The following ULK4 variants were observed in gnomAD, a reference collection of about 807,000 sequenced individuals.
ULK4 encodes the protein inactive serine/threonine-protein kinase ULK4.
Under a neutral mutation model 160.6 loss-of-function variants are expected in ULK4, and 133 were observed. The observed-to-expected ratio is 0.83, with a 90% confidence interval of 0.72 to 0.96. The LOEUF (loss-of-function observed/expected upper bound fraction) is 0.96. ULK4 is among the 40% of genes least tolerant of loss of function. ULK4 has a pLI of 0.00. For missense variants in ULK4, 1,580 were observed against 1,499.5 expected, an observed-to-expected ratio of 1.05 and a Z score of -0.89; for synonymous variants, 534 against 539.8, an observed-to-expected ratio of 0.99 and a Z score of 0.15.
chr3:41,425,424 G>A (rs200735003), intron 34 of ULK4, among the ~76,000 whole-genome samples: 80 of 152,150 alleles, frequency 5.3e-4, no homozygotes, highest in Middle Eastern at 3.4e-3. Context: ...ACAGGCCAAC[G>A]TTCAAATTCA....
chr3:41,693,766 T>C (rs2036392920), intron 27 of ULK4, among the ~76,000 whole-genome samples: 1 of 152,254 alleles, frequency 6.6e-6, no homozygotes, highest in Non-Finnish European at 1.5e-5. Flanking sequence ...TCTTTTTCTA[T>C]AGTTTTAACT....
intron 34 of ULK4, among the ~76,000 whole-genome samples, chr3:41,401,096 C>T (rs551262962): frequency 6.6e-6 from 1 of 151,440 alleles, no homozygotes; most frequent in East Asian, 1.9e-4. Context: ...GCCTTTTCAT[C>T]CATTTTACTG....
rs552298490 is a variant in ULK4, at chr3:41,739,129, G to A, written c.2321+15232C>T. On this transcript the variant is annotated intron_variant, in intron 22 of 36. Transcript: ENST00000301831. The stretch of plus-strand genomic sequence containing the variant: ...TATGAGTTACTTATCGTTAATCTGG[G>A]TCACCAAGCCACTACGTTAAGTATG... Among the ~76,000 whole-genome samples, 4 of 151,970 alleles carry A rather than the reference G, an allele frequency of 2.6e-5. No homozygotes were observed. In the East Asian group the frequency reaches 5.8e-4, roughly 22 times the overall value.
At chr3:41,641,986 G>C (rs748166007) in intron 30 of ULK4, among the ~76,000 whole-genome samples, 2 of 149,892 alleles carry the variant, frequency 1.3e-5, no homozygotes, top group Non-Finnish European at 3.0e-5. Flanking sequence ...AGTGGTTCTC[G>C]TGCCTCAGCC....
chr3:41,331,571 A>G (rs1217664981), intron 35 of ULK4, among the ~76,000 whole-genome samples: 1 of 152,220 alleles, frequency 6.6e-6, no homozygotes, highest in Non-Finnish European at 1.5e-5. Flanking sequence ...AACATCATTT[A>G]GGATTCCTCG....
In ULK4 at chr3:41,528,575, G is replaced by T. The variant is rs558788661; in HGVS notation, c.3226+37450C>A. Among the ~76,000 whole-genome samples the T allele has an allele frequency of 2.0e-5, 3 of 152,086 alleles. No individual in the cohort carries two copies. The South Asian group carries it at 6.2e-4, about 32-fold the overall frequency. On this transcript the variant is annotated intron_variant, in intron 32 of 36. Coordinates refer to ENST00000301831, the MANE Select transcript of ULK4 (RefSeq NM_017886.4). ...GAAACCAAGTAAATGAAAAGTACTG[G>T]CTTTTCCACTGATTCATTAAGCACA...
At chr3:41,849,127 C>A (rs976037852) in intron 17 of ULK4, among the ~76,000 whole-genome samples, 1 of 152,190 alleles carries the variant, frequency 6.6e-6, no homozygotes, top group Non-Finnish European at 1.5e-5. Context: ...CCTGCAGCAA[C>A]CCTCTGAGAT....
chr3:41,911,523 T>C lies in ULK4; in HGVS notation c.1015+18A>G, dbSNP rs775251662. ...AACAACATTCTAAGTAGCATGAATGTGCTCAAATAAAACTTACCTAGTCTG... is the reference window on the plus strand; with the variant it reads ...AACAACATTCTAAGTAGCATGAATGCGCTCAAATAAAACTTACCTAGTCTG... On this transcript the variant is annotated intron_variant, in intron 10 of 36. Transcript: ENST00000301831. 6 of 1,603,950 alleles carry C rather than the reference T, an allele frequency of 3.7e-6. No homozygotes were observed. The African/African-American group carries it at 8.0e-5, about 21-fold the overall frequency.
At chr3:41,807,482 A>C (rs2040684533) in intron 19 of ULK4, among the ~76,000 whole-genome samples, 1 of 152,214 alleles carries the variant, frequency 6.6e-6, no homozygotes, top group Non-Finnish European at 1.5e-5. Flanking sequence ...TCTAAGTTCA[A>C]GCCATAGTTT....
At chr3:41,891,827 C>A (rs1325621476) in intron 16 of ULK4, among the ~76,000 whole-genome samples, 1 of 152,144 alleles carries the variant, frequency 6.6e-6, no homozygotes, top group East Asian at 1.9e-4. Context: ...ATCACTTGAA[C>A]CCGGGAGGCA....
rs1187360103 is a variant in ULK4 at position 41,912,799 on chromosome 3, T to C, written c.896+8A>G. 12 of 1,613,602 alleles carry C rather than the reference T, an allele frequency of 7.4e-6. No homozygotes were observed. Among genetic ancestry groups the C allele is most frequent in the African/African-American group, 1.3e-5 (1 of 75,064 alleles). ...TATGTCCCATACACAAAGGTAAGTG[T>C]ATACTACCTGAGACTGAGATCTTCG... On this transcript the variant is annotated splice_region_variant and intron_variant, in intron 9 of 36. Transcript: ENST00000301831.
At chr3:41,656,092 G>C (rs1299300590) in intron 30 of ULK4, among the ~76,000 whole-genome samples, 2 of 152,100 alleles carry the variant, frequency 1.3e-5, no homozygotes, top group African/African-American at 4.8e-5. Flanking sequence ...TTTGTAGGGT[G>C]CTGGAGCTGT....
rs557597279 is a variant in ULK4 at position 41,295,694 on chromosome 3, T to G, written c.3679-46120A>C. 2.6e-5 allele frequency among the ~76,000 whole-genome samples: 2 copies of G among 75,990 alleles called. 1 individual carries two copies. Among genetic ancestry groups the G allele is most frequent in the Non-Finnish European group, 6.7e-5 (2 of 29,818 alleles). The allele number at this position is 75,990 out of a possible 152,430, so 49.9% of individuals were successfully genotyped here. On this transcript the variant is annotated intron_variant, in intron 35 of 36. Transcript: ENST00000301831. ...CATATGAAAAGATGCTCCACATCGT[T>G]TGACATCAAGAAATGTAAATTAAAA...
intron 19 of ULK4, among the ~76,000 whole-genome samples, chr3:41,814,721 T>C (rs1252772249): frequency 6.6e-6 from 1 of 152,158 alleles, no homozygotes; most frequent in Admixed American, 6.5e-5. Context: ...TTCATCATCA[T>C]ATTGTGACCT....
chr3:41,430,900 G>C (rs1158080213), intron 34 of ULK4, among the ~76,000 whole-genome samples: 1 of 152,084 alleles, frequency 6.6e-6, no homozygotes, highest in Non-Finnish European at 1.5e-5. Context: ...CAAGCAATGA[G>C]GTTTGGGGGT....
intron 17 of ULK4, among the ~76,000 whole-genome samples, chr3:41,840,118 A>G (rs1194138830): frequency 1.3e-5 from 2 of 152,210 alleles, no homozygotes; most frequent in African/African-American, 2.4e-5. Context: ...AGAACAGCCA[A>G]AACAATTTTG....
At chr3:41,624,251 A>G (rs2033384127) in intron 30 of ULK4, among the ~76,000 whole-genome samples, 1 of 152,186 alleles carries the variant, frequency 6.6e-6, no homozygotes, top group Non-Finnish European at 1.5e-5. Flanking sequence ...TTTATGATTT[A>G]TACTATTATT....
chr3:41,954,730 G>T lies in ULK4; in HGVS notation c.30C>A (p.Ile10=), dbSNP rs371284862. 1.7e-5 allele frequency: 27 copies of T among 1,613,644 alleles called. No individual in the cohort carries two copies. The highest frequency in any genetic ancestry group is 4.0e-5 in the African/African-American group (3 of 74,856). Residue 10 remains isoleucine, a synonymous_variant, in exon 2 of 37, where the codon ATC becomes ATA. Transcript: ENST00000301831. MENFILYEE[I]GRGSKTVVYK... ...AGACAACAGTCTTGCTTCCTCTTCC[G>T]ATCTCCTCATACAGAATAAAGTTTT...
chr3:41,378,740 C>T (rs1242427848), intron 35 of ULK4, among the ~76,000 whole-genome samples: 12 of 151,690 alleles, frequency 7.9e-5, no homozygotes, highest in Non-Finnish European at 1.6e-4. Flanking sequence ...TGTAACAAAC[C>T]TGCACGTTGT....
Sources: allele counts gnomAD v4.1 joint callset (sites outside exome capture counted in the v4.1 genomes callset), GRCh38; gene constraint gnomAD v4.1.1; transcripts MANE v1.5; gene names NCBI Gene and HGNC (gene_info 2026-07-23, HGNC 2026-07-21).